The following PAM variants were observed in gnomAD, a reference collection of about 807,000 sequenced individuals.
PAM encodes the protein peptidylglycine alpha-amidating monooxygenase.
In PAM, 72 loss-of-function variants were observed where a neutral mutation model predicts 122.1. The observed-to-expected ratio is 0.59, with a 90% CI of 0.49 to 0.72. PAM has a LOEUF of 0.72. Among genes scored for constraint, PAM ranks in the 30% least tolerant of loss-of-function variants. The pLI is 0.00. For synonymous variants in PAM, 389 were observed against 404.4 expected (o/e 0.96, Z 0.46); for missense variants, 1,106 against 1,183.7 (o/e 0.93, Z 0.96).
chr5:102,803,014 TC>T, intron 1 of PAM, among the ~76,000 whole-genome samples: 1 of 152,012 alleles, frequency 6.6e-6, no homozygotes. Flanking sequence ...TCCCAGCTAC[TC>T]GAGAGTCTAA....
At chr5:102,943,429 T>C (rs1755942362) in intron 7 of PAM, among the ~76,000 whole-genome samples, 2 of 152,192 alleles carry the variant, frequency 1.3e-5, no homozygotes, top group South Asian at 2.1e-4. Context: ...AGAGAATTCC[T>C]ACTTAAGTGG....
At chr5:102,972,120 T>C (rs1026746651) in intron 14 of PAM, among the ~76,000 whole-genome samples, 1 of 152,160 alleles carries the variant, frequency 6.6e-6, no homozygotes, top group Non-Finnish European at 1.5e-5. Flanking sequence ...CAAACCTGAA[T>C]GACTATGCAT....
chr5:102,937,006 T>C (rs553820297), intron 7 of PAM, among the ~76,000 whole-genome samples: 1 of 152,154 alleles, frequency 6.6e-6, no homozygotes, highest in African/African-American at 2.4e-5. Context: ...TCAATTCTCT[T>C]AAGAAAAGGG....
intron 1 of PAM, among the ~76,000 whole-genome samples, chr5:102,758,798 G>T (rs913660367): frequency 6.6e-6 from 1 of 152,178 alleles, no homozygotes; most frequent in African/African-American, 2.4e-5. Flanking sequence ...ATTGCTCTAT[G>T]ACTCAAGTAG....
chr5:102,896,359 A>G (rs968607864), intron 3 of PAM, among the ~76,000 whole-genome samples: 2 of 151,704 alleles, frequency 1.3e-5, no homozygotes, highest in African/African-American at 4.8e-5. Flanking sequence ...ACTGAAGGAT[A>G]AAATTCATAT....
intron 3 of PAM, among the ~76,000 whole-genome samples, chr5:102,877,802 AG>A (rs1299868482): frequency 6.6e-6 from 1 of 152,104 alleles, no homozygotes; most frequent in African/African-American, 2.4e-5. Context: ...CTGAGGCAGG[AG>A]GATTGCATGA....
intron 16 of PAM, among the ~76,000 whole-genome samples, chr5:102,991,216 G>A (rs1185063543): frequency 6.6e-6 from 1 of 152,116 alleles, no homozygotes; most frequent in East Asian, 1.9e-4. Flanking sequence ...GGCCCACTTA[G>A]CCACTTTATG....
Position 102,867,261 on chromosome 5 carries a change from C to T in PAM, c.90-12C>T, listed in dbSNP as rs1297938584. 1.3e-6 allele frequency: 2 copies of T among 1,580,714 alleles called. No homozygotes were observed. Among genetic ancestry groups the T allele is most frequent in the East Asian group, 4.5e-5 (2 of 44,554 alleles). ...TATGTTCAAGAATATTGAAATTGCCCTCTTTTTTAAGGTTTAAAGAAACTA... is the reference window on the plus strand; with the variant it reads ...TATGTTCAAGAATATTGAAATTGCCTTCTTTTTTAAGGTTTAAAGAAACTA... On this transcript the variant is annotated splice_polypyrimidine_tract_variant and intron_variant, in intron 2 of 25. Transcript: ENST00000438793.
chr5:102,828,593 A>G (rs548460782), intron 1 of PAM, among the ~76,000 whole-genome samples: 55 of 152,170 alleles, frequency 3.6e-4, no homozygotes, highest in Non-Finnish European at 6.5e-4. Context: ...AAATGGGGCT[A>G]ATAATACACA....
chr5:102,969,076 C>T (rs1418746557), intron 14 of PAM, among the ~76,000 whole-genome samples: 1 of 151,504 alleles, frequency 6.6e-6, no homozygotes, highest in Non-Finnish European at 1.5e-5. Flanking sequence ...CATCACACAC[C>T]AGTGCCTGTC....
intron 15 of PAM, among the ~76,000 whole-genome samples, chr5:102,981,974 T>G (rs1389963702): frequency 6.6e-6 from 1 of 152,176 alleles, no homozygotes; most frequent in Non-Finnish European, 1.5e-5. Flanking sequence ...CCCCATGTTT[T>G]AAATTTCCCA....
intron 1 of PAM, among the ~76,000 whole-genome samples, chr5:102,802,498 G>A (rs1765047670): frequency 6.6e-6 from 1 of 152,120 alleles, no homozygotes; most frequent in African/African-American, 2.4e-5. Context: ...GCTGGGGTTG[G>A]TTGCAGAAGA....
chr5:102,912,294 T>A (rs957062434), intron 4 of PAM, among the ~76,000 whole-genome samples: 1 of 151,910 alleles, frequency 6.6e-6, no homozygotes, highest in Non-Finnish European at 1.5e-5. Context: ...AATATTTTTT[T>A]AAAAACGTGG....
At chr5:102,866,871 A>G (rs1785737395) in intron 2 of PAM, among the ~76,000 whole-genome samples, 1 of 152,196 alleles carries the variant, frequency 6.6e-6, no homozygotes, top group Non-Finnish European at 1.5e-5. Context: ...CATGGTTAAT[A>G]TTTCTGCCAT....
chr5:102,911,565 G>A (rs945699365), intron 4 of PAM, among the ~76,000 whole-genome samples: 2 of 151,812 alleles, frequency 1.3e-5, no homozygotes, highest in Non-Finnish European at 2.9e-5. Flanking sequence ...GATTTGCCCA[G>A]TTTACTTTAC....
intron 1 of PAM, among the ~76,000 whole-genome samples, chr5:102,819,374 G>A (rs1178481987): frequency 1.3e-5 from 2 of 151,802 alleles, no homozygotes; most frequent in Admixed American, 1.3e-4. Flanking sequence ...TGAAAGTGCT[G>A]GTGTGATAAT....
At chr5:102,991,060 CAT>C (rs903705490) in intron 16 of PAM, among the ~76,000 whole-genome samples, 2 of 152,144 alleles carry the variant, frequency 1.3e-5, no homozygotes, top group Non-Finnish European at 2.9e-5. Context: ...TTAGTAAAAA[CAT>C]AGAACGGTTA....
chr5:103,019,476 A>G (rs1156769445), intron 22 of PAM, among the ~76,000 whole-genome samples: 1 of 152,214 alleles, frequency 6.6e-6, no homozygotes, highest in Non-Finnish European at 1.5e-5. Flanking sequence ...ACTAGTAATC[A>G]GTCTAAGATA....
At chr5:102,882,598 C>T (rs2151156900) in intron 3 of PAM, among the ~76,000 whole-genome samples, 1 of 151,982 alleles carries the variant, frequency 6.6e-6, no homozygotes, top group Non-Finnish European at 1.5e-5. Context: ...TGTTTGAGTT[C>T]CTTGTAGATT....
Sources: allele counts gnomAD v4.1 joint callset (sites outside exome capture counted in the v4.1 genomes callset), GRCh38; gene constraint gnomAD v4.1.1; transcripts MANE v1.5; gene names NCBI Gene and HGNC (gene_info 2026-07-23, HGNC 2026-07-21).